GNG7: variants seen among roughly 807,000 people sequenced by gnomAD.
GNG7 encodes the protein G protein subunit gamma 7.
A neutral mutation model predicts 4.0 loss-of-function variants in GNG7; 1 was observed. That is an observed-to-expected ratio of 0.25 (90% CI 0.09 to 1.18). The LOEUF (loss-of-function observed/expected upper bound fraction) is 1.18, where lower values mean the gene tolerates loss of function less well. GNG7 is among the 50% of genes most tolerant of loss of function. The pLI, the probability that GNG7 is intolerant of heterozygous loss-of-function variation, is 0.50. For synonymous variants in GNG7, 34 were observed against 36.9 expected, an observed-to-expected ratio of 0.92 and a Z score of 0.29; for missense variants, 86 against 91.9, an observed-to-expected ratio of 0.94 and a Z score of 0.26.
At chr19:2,702,132 C>G (rs1233578825) in intron 1 of GNG7, among the ~76,000 whole-genome samples, 13 of 150,082 alleles carry the variant, frequency 8.7e-5, no homozygotes, top group African/African-American at 2.9e-4. Context: ...ACCTGCAACT[C>G]CAGTCCCCTC....
At chr19:2,515,239 C>CT in intron 4 of GNG7, 92 bp from the exon 5 acceptor site, 1 of 1,535,442 alleles carries the variant, frequency 6.5e-7, no homozygotes, top group Non-Finnish European at 8.9e-7. Flanking sequence ...GAGCCACAGG[C>CT]GGAAACAGCT....
chr19:2,662,259 C>CAA (rs5826780), intron 1 of GNG7, among the ~76,000 whole-genome samples: 2,078 of 73,452 alleles, frequency 0.028, 36 homozygotes, highest in Middle Eastern at 0.1. Flanking sequence ...GACTCCATCT[C>CAA]AAAAAAAAAA....
rs558618488 is a variant in GNG7, at chr19:2,615,970, C to T, written c.-78+30254G>A. 3.3e-5 allele frequency among the ~76,000 whole-genome samples: 5 copies of T among 152,344 alleles called. No homozygotes were observed. In the East Asian group the frequency reaches 9.6e-4, roughly 29 times the overall value. On this transcript the variant is annotated intron_variant, in intron 2 of 4. Coordinates refer to ENST00000382159, the MANE Select transcript of GNG7 (RefSeq NM_052847.3). ...CCCTTCAAATCCTTACGGGCCACCC[C>T]AGGATCTGGTGACCTGGAACAGACT...
intron 1 of GNG7, among the ~76,000 whole-genome samples, chr19:2,655,773 A>C (rs1982951030): frequency 7.2e-6 from 1 of 139,518 alleles, no homozygotes; most frequent in Non-Finnish European, 1.5e-5. Context: ...CGGGAGGTGG[A>C]GCTTGCAGTG....
intron 3 of GNG7, among the ~76,000 whole-genome samples, chr19:2,542,881 CTTTTTTTTT>C (rs60152060): frequency 7.6e-5 from 9 of 118,350 alleles, no homozygotes; most frequent in African/African-American, 2.7e-4. Flanking sequence ...TGCTGTTTTC[CTTTTTTTTT>C]TTTTTTTTTG....
In GNG7 at chr19:2,629,642, G is replaced by A. The variant is rs182638228; in HGVS notation, c.-78+16582C>T. Among the ~76,000 whole-genome samples, 467 of 152,314 alleles carry A rather than the reference G, an allele frequency of 3.1e-3. 1 individual carries two copies. Among genetic ancestry groups the A allele is most frequent in the Non-Finnish European group, 5.3e-3 (363 of 68,038 alleles). ...GACTAGTGGGAGAAGACAGAAGAGC[G>A]TAGCCCTGAACGCAGTGTGGGGGCA... On this transcript the variant is annotated intron_variant, in intron 2 of 4. Coordinates refer to ENST00000382159, the MANE Select transcript of GNG7 (RefSeq NM_052847.3).
intron 3 of GNG7, among the ~76,000 whole-genome samples, chr19:2,532,780 A>G (rs765601793): frequency 5.3e-5 from 8 of 152,188 alleles, no homozygotes; most frequent in Non-Finnish European, 8.8e-5. Flanking sequence ...CAAAAATTTA[A>G]AAGACTGACA....
At position 2,696,165 on chromosome 19, in the gene GNG7, A is replaced by AAAAGAGAG. The variant is rs1162294192; in HGVS notation, c.-135+6473_-135+6480dup. Reference sequence around the variant, plus strand: ...GAGCAAGACTCCGTCAAAAAAAAAGAAAAGAGAGAAAGAGAGAGAGGAGAG... The same window carrying AAAAGAGAG: ...GAGCAAGACTCCGTCAAAAAAAAAGAAAAGAGAGAAAGAGAGAAAGAGAGAGAGGAGAG... On this transcript the variant is annotated intron_variant, in intron 1 of 4. Transcript: ENST00000382159. Among the ~76,000 whole-genome samples, 385 of 149,890 alleles carry AAAAGAGAG rather than the reference A, an allele frequency of 2.6e-3. 6 individuals are homozygous for AAAAGAGAG. Among genetic ancestry groups the AAAAGAGAG allele is most frequent in the African/African-American group, 9.2e-3 (373 of 40,330 alleles).
intron 4 of GNG7, chr19:2,517,229 A>C (rs1166348067): frequency 6.6e-6 from 1 of 151,924 alleles, no homozygotes; most frequent in Non-Finnish European, 1.5e-5. Flanking sequence ...CCAGGCTGGA[A>C]TGCAGTGGTG....
chr19:2,518,667 G>A (rs1978293823), intron 4 of GNG7, among the ~76,000 whole-genome samples: 1 of 152,156 alleles, frequency 6.6e-6, no homozygotes, highest in Non-Finnish European at 1.5e-5. Context: ...AATTCCCGTG[G>A]CCAATAATGA....
chr19:2,553,987 T>TGTATA (rs1979465860), intron 3 of GNG7, among the ~76,000 whole-genome samples: 2 of 142,228 alleles, frequency 1.4e-5, no homozygotes, highest in African/African-American at 5.2e-5. Flanking sequence ...TTATATGTAA[T>TGTATA]ATATATTACA....
At chr19:2,599,796 G>C (rs1018027098) in intron 2 of GNG7, among the ~76,000 whole-genome samples, 3 of 152,180 alleles carry the variant, frequency 2.0e-5, no homozygotes, top group African/African-American at 7.2e-5. Context: ...AATTAGCCGG[G>C]GGTGGTGGTG....
intron 1 of GNG7, among the ~76,000 whole-genome samples, chr19:2,651,358 C>CCCTCCCTA (rs1412087415): frequency 1.3e-4 from 2 of 14,880 alleles, no homozygotes; most frequent in African/African-American, 3.5e-4. Context: ...CTCCCTCCCT[C>CCCTCCCTA]CCTTCCCTCC....
In GNG7 at chr19:2,513,477, C is replaced by T. The variant is rs1599366959; in HGVS notation, c.*1545G>A. The stretch of plus-strand genomic sequence containing the variant: ...AGATGTGGCTGCACCTGCTCCCGTC[C>T]GTGCCGCAGAGGAGGACGCAGTCAT... On this transcript the variant is annotated 3_prime_UTR_variant, in exon 5 of 5. Coordinates refer to ENST00000382159, the MANE Select transcript of GNG7 (RefSeq NM_052847.3). 6.1e-6 allele frequency: 6 copies of T among 981,068 alleles called. No homozygotes were observed. The highest frequency in any genetic ancestry group is 6.1e-6 in the Non-Finnish European group (5 of 825,932). 60.8% of individuals were successfully genotyped at this position (981,068 alleles called of 1,614,324 possible). A position where few individuals can be genotyped will look rare whatever the true frequency, so the allele number is the denominator to read the frequency against.
chr19:2,589,547 G>A (rs1054826783), intron 2 of GNG7, among the ~76,000 whole-genome samples: 2 of 151,578 alleles, frequency 1.3e-5, no homozygotes, highest in Non-Finnish European at 1.5e-5. Flanking sequence ...TGCAGCTCTC[G>A]GAGTCTTCCA....
At chr19:2,536,952 AT>A (rs11288292) in intron 3 of GNG7, among the ~76,000 whole-genome samples, 7,039 of 108,620 alleles carry the variant, frequency 0.065, 514 homozygotes, top group African/African-American at 0.21. Context: ...TTTTATTTTT[AT>A]TTTTTTTTTT....
At chr19:2,596,673 C>CA (rs1555696653) in intron 2 of GNG7, among the ~76,000 whole-genome samples, 17 of 150,562 alleles carry the variant, frequency 1.1e-4, no homozygotes, top group Admixed American at 6.0e-4. Flanking sequence ...TGTCCCCCCC[C>CA]CAAAAAAAAA....
intron 2 of GNG7, among the ~76,000 whole-genome samples, chr19:2,593,197 G>C (rs1980903115): frequency 6.6e-6 from 1 of 152,194 alleles, no homozygotes. Flanking sequence ...GAAGTGGCCT[G>C]TGGCCACCCA....
intron 2 of GNG7, among the ~76,000 whole-genome samples, chr19:2,628,160 G>A (rs1982066743): frequency 6.6e-6 from 1 of 152,194 alleles, no homozygotes; most frequent in Non-Finnish European, 1.5e-5. Flanking sequence ...CGGCAACAAA[G>A]ACACCATTTG....
Sources: allele counts gnomAD v4.1 joint callset (sites outside exome capture counted in the v4.1 genomes callset), GRCh38; gene constraint gnomAD v4.1.1; transcripts MANE v1.5; gene names NCBI Gene and HGNC (gene_info 2026-07-23, HGNC 2026-07-21).